Variants in FOXP2 observed in about 807,000 individuals in gnomAD.
FOXP2 encodes the protein forkhead box protein P2.
In FOXP2, 12 loss-of-function variants were observed where a neutral mutation model predicts 115.8. That is an observed-to-expected ratio of 0.10 (90% CI 0.07 to 0.17). The LOEUF is 0.17. FOXP2 is among the 10% of genes least tolerant of loss of function. FOXP2 has a pLI of 1.00. For missense variants in FOXP2, 629 were observed against 843.5 expected (o/e 0.75, Z 3.15); for synonymous variants, 328 against 297.7 (o/e 1.10, Z -1.05).
chr7:114,656,198 A>T (rs778881722), intron 10 of FOXP2, among the ~76,000 whole-genome samples: 37 of 152,120 alleles, frequency 2.4e-4, no homozygotes, highest in Non-Finnish European at 4.3e-4. Flanking sequence ...GTCCTGTCAC[A>T]TATTCATCAG....
intron 1 of FOXP2, among the ~76,000 whole-genome samples, chr7:114,117,120 A>G (rs1584488226): frequency 1.3e-5 from 2 of 151,990 alleles, no homozygotes; most frequent in Admixed American, 1.3e-4. Context: ...GTAAATGTAG[A>G]CTCTACCTGG....
intron 2 of FOXP2, among the ~76,000 whole-genome samples, chr7:114,384,879 T>C (rs1164328650): frequency 1.3e-5 from 2 of 151,958 alleles, no homozygotes; most frequent in African/African-American, 2.4e-5. Flanking sequence ...GGTTACTGGG[T>C]TAAGGATTTG....
chr7:114,177,241 T>C (rs796576914), intron 1 of FOXP2, among the ~76,000 whole-genome samples: 2 of 152,296 alleles, frequency 1.3e-5, no homozygotes, highest in African/African-American at 4.8e-5. Context: ...TATAGCATAG[T>C]GTCAACTTAG....
At chr7:114,434,567 A>G (rs865782052) in intron 2 of FOXP2, among the ~76,000 whole-genome samples, 1 of 151,930 alleles carries the variant, frequency 6.6e-6, no homozygotes, top group South Asian at 2.1e-4. Flanking sequence ...ACAATTATTG[A>G]AAGAACTTTG....
In FOXP2 at chr7:114,332,940, A is replaced by G. The variant is rs533067146; in HGVS notation, c.-11+44831A>G. Reference sequence around the variant, plus strand: ...CCTTACTTCTCTGAAAGAACTATTAAAAGATCAGGATCAGTGCAGGTTGGA... The same window carrying G: ...CCTTACTTCTCTGAAAGAACTATTAGAAGATCAGGATCAGTGCAGGTTGGA... On this transcript the variant is annotated intron_variant, in intron 2 of 17. Transcript: ENST00000634411. Among the ~76,000 whole-genome samples, 3 of 152,296 alleles carry G rather than the reference A, an allele frequency of 2.0e-5. No individual in the cohort carries two copies. In the East Asian group the frequency reaches 5.8e-4, roughly 29 times the overall value.
intron 3 of FOXP2, among the ~76,000 whole-genome samples, chr7:114,558,312 C>T (rs1054354243): frequency 1.8e-4 from 27 of 152,190 alleles, no homozygotes; most frequent in African/African-American, 6.3e-4. Context: ...CTGCATTCTT[C>T]ATAGTTACTT....
At chr7:114,268,347 T>C (rs1795949847) in intron 1 of FOXP2, among the ~76,000 whole-genome samples, 1 of 152,184 alleles carries the variant, frequency 6.6e-6, no homozygotes, top group Non-Finnish European at 1.5e-5. Context: ...TATGAGTATT[T>C]GTGCAAGAGG....
rs1161135263 is a variant in FOXP2 at position 114,514,930 on chromosome 7, A to C, written c.169-19687A>C. On this transcript the variant is annotated intron_variant, in intron 2 of 16. Transcript: ENST00000350908. ...CCCCTTCCTGTGTCCATGTGTTCTC[A>C]TTGTTCAATTCCCACCTATGAGTGA... 1.7e-4 allele frequency among the ~76,000 whole-genome samples: 24 copies of C among 142,098 alleles called. 1 individual carries two copies. Among genetic ancestry groups the C allele is most frequent in the African/African-American group, 6.1e-4 (23 of 37,742 alleles). 93.2% of individuals were successfully genotyped at this position (142,098 alleles called of 152,430 possible).
At chr7:114,431,436 GTT>G (rs1393704955) in intron 2 of FOXP2, among the ~76,000 whole-genome samples, 1 of 151,884 alleles carries the variant, frequency 6.6e-6, no homozygotes, top group Admixed American at 6.6e-5. Flanking sequence ...ATTTTTCTGG[GTT>G]TAGCACAGAA....
chr7:114,312,096 G>A (rs1797160729), intron 2 of FOXP2, among the ~76,000 whole-genome samples: 1 of 151,936 alleles, frequency 6.6e-6, no homozygotes. Flanking sequence ...CCACCTGCTG[G>A]GCACTCAACC....
chr7:114,676,651 G>GT (rs1262842868), intron 16 of FOXP2, among the ~76,000 whole-genome samples: 1 of 151,984 alleles, frequency 6.6e-6, no homozygotes, highest in Non-Finnish European at 1.5e-5. Flanking sequence ...TATCTATAGG[G>GT]TTTTTTAAAA....
chr7:114,575,808 T>A (rs1360300425), intron 3 of FOXP2, among the ~76,000 whole-genome samples: 1 of 151,928 alleles, frequency 6.6e-6, no homozygotes, highest in Non-Finnish European at 1.5e-5. Context: ...TAACCTGAAG[T>A]TAAAGATAAA....
At chr7:114,495,425 TCAGCAAC>T (rs1202752232) in intron 2 of FOXP2, among the ~76,000 whole-genome samples, 1 of 151,756 alleles carries the variant, frequency 6.6e-6, no homozygotes, top group Admixed American at 6.6e-5. Context: ...TTTCAGACTT[TCAGCAAC>T]TTTGGTACAT....
intron 2 of FOXP2, among the ~76,000 whole-genome samples, chr7:114,349,413 A>G (rs1057094563): frequency 2.6e-5 from 4 of 152,150 alleles, no homozygotes; most frequent in African/African-American, 9.6e-5. Context: ...GCCCAAGTTC[A>G]TAAACCAAGG....
chr7:114,157,332 T>A (rs182304743), intron 1 of FOXP2, among the ~76,000 whole-genome samples: 484 of 152,284 alleles, frequency 3.2e-3, no homozygotes, highest in Middle Eastern at 0.01. Flanking sequence ...GAGTAGCTTA[T>A]TCCTGGCTAA....
At chr7:114,458,440 C>G (rs1409903431) in intron 2 of FOXP2, among the ~76,000 whole-genome samples, 1 of 151,134 alleles carries the variant, frequency 6.6e-6, no homozygotes, top group East Asian at 1.9e-4. Context: ...GTCTAACTTT[C>G]AACAGGAATA....
At position 114,498,586 on chromosome 7, in the gene FOXP2, A is replaced by G. The variant is rs1797426779; in HGVS notation, c.169-36031A>G. Among the ~76,000 whole-genome samples, 6 of 152,354 alleles carry G rather than the reference A, an allele frequency of 3.9e-5. No homozygotes were observed. The South Asian group carries it at 1.2e-3, about 32-fold the overall frequency. On this transcript the variant is annotated intron_variant, in intron 2 of 16. Transcript: ENST00000350908. ...AACATTTAGTAACTGGGAACAGAAT[A>G]TTAACAGTCTGTTTATATGAGGATG...
At chr7:114,221,044 A>G (rs1794608785) in intron 1 of FOXP2, among the ~76,000 whole-genome samples, 1 of 152,150 alleles carries the variant, frequency 6.6e-6, no homozygotes, top group African/African-American at 2.4e-5. Context: ...TGATTTTTAT[A>G]CACCTTATAA....
intron 2 of FOXP2, among the ~76,000 whole-genome samples, chr7:114,433,471 T>G (rs1445502159): frequency 1.3e-5 from 2 of 152,160 alleles, no homozygotes; most frequent in East Asian, 3.9e-4. Context: ...AAGTTGTATC[T>G]CAGAAATATT....
Sources: gnomAD v4.1 joint callset for allele counts (sites outside exome capture counted in the v4.1 genomes callset) on GRCh38, gnomAD v4.1.1 for gene constraint, MANE v1.5 for transcripts, NCBI Gene and HGNC (gene_info 2026-07-23, HGNC 2026-07-21) for gene names.